The following TGFA variants were observed in gnomAD, a reference collection of about 807,000 sequenced individuals.
The protein encoded by TGFA is protransforming growth factor alpha.
In TGFA, 12 loss-of-function variants were observed where a neutral mutation model predicts 21.7. The ratio of observed to expected loss-of-function variants is 0.55; its 90% CI spans 0.35 to 0.90. TGFA has a LOEUF of 0.90. TGFA is among the 40% of genes least tolerant of loss of function. The probability of loss-of-function intolerance (pLI) is 0.01; values close to 1 mark genes in which losing one functional copy is unlikely to be tolerated. For synonymous variants in TGFA, 79 were observed against 88.1 expected, an observed-to-expected ratio of 0.90 and a Z score of 0.58; for missense variants, 178 against 210.8, an observed-to-expected ratio of 0.84 and a Z score of 0.96.
At chr2:70,460,474 C>T (rs1553491324) in intron 3 of TGFA, among the ~76,000 whole-genome samples, 1 of 152,120 alleles carries the variant, frequency 6.6e-6, no homozygotes, top group African/African-American at 2.4e-5. Flanking sequence ...GAAGAGTCAC[C>T]TCACCTGGCT....
chr2:70,468,232 C>G (rs1043968245), intron 2 of TGFA: 7 of 152,246 alleles, frequency 4.6e-5, no homozygotes, highest in African/African-American at 1.4e-4. Flanking sequence ...CCCTTAATGA[C>G]AGTTACTGTC....
intron 3 of TGFA, 87 bp from the exon 4 acceptor site, chr2:70,456,575 C>G: frequency 1.4e-6 from 2 of 1,465,092 alleles, no homozygotes; most frequent in Non-Finnish European, 1.8e-6. Context: ...TGGAGGGACC[C>G]AGAGCCTGCA....
chr2:70,487,721 A>C (rs782720719), intron 2 of TGFA, among the ~76,000 whole-genome samples: 1 of 152,194 alleles, frequency 6.6e-6, no homozygotes, highest in Non-Finnish European at 1.5e-5. Flanking sequence ...CTGTTTAACC[A>C]ATCTCCTCTT....
chr2:70,467,593 T>G (rs1326713838), intron 2 of TGFA: 1 of 152,216 alleles, frequency 6.6e-6, no homozygotes, highest in African/African-American at 2.4e-5. Flanking sequence ...CACTGCTTCT[T>G]TCAACAGGTC....
chr2:70,537,391 G>C (rs1004100458), intron 1 of TGFA, among the ~76,000 whole-genome samples: 1 of 152,188 alleles, frequency 6.6e-6, no homozygotes, highest in Non-Finnish European at 1.5e-5. Context: ...TAAATCAAAA[G>C]CTAGAAATGA....
intron 2 of TGFA, among the ~76,000 whole-genome samples, chr2:70,472,947 G>C (rs1670801656): frequency 6.6e-6 from 1 of 152,228 alleles, no homozygotes; most frequent in Non-Finnish European, 1.5e-5. Flanking sequence ...TTTGTCTTCA[G>C]ATACTACAAT....
rs60772300 is a variant in TGFA, at chr2:70,546,561, C to T, written c.40+7167G>A. ...CAATCATGACTCACTGCAACCTCGA[C>T]CTCCCAGGCTCCAGTGATCCACCAG... is the stretch of plus-strand genomic sequence containing the variant. On this transcript the variant is annotated intron_variant, in intron 1 of 5. Transcript: ENST00000295400. Among the ~76,000 whole-genome samples, 1,440 of 152,236 alleles carry T rather than the reference C, an allele frequency of 9.5e-3. 21 individuals carry two copies. The highest frequency in any genetic ancestry group is 0.033 in the African/African-American group (1,370 of 41,536).
intron 1 of TGFA, among the ~76,000 whole-genome samples, chr2:70,541,395 T>C (rs1673127572): frequency 6.6e-6 from 1 of 152,202 alleles, no homozygotes; most frequent in African/African-American, 2.4e-5. Flanking sequence ...AAAATGACTA[T>C]ACAAATATCT....
intron 1 of TGFA, among the ~76,000 whole-genome samples, chr2:70,549,575 G>C (rs1553506483): frequency 6.6e-6 from 1 of 152,190 alleles, no homozygotes; most frequent in Non-Finnish European, 1.5e-5. Context: ...CAGAGGTTTT[G>C]AGTGTGACAC....
At chr2:70,493,707 T>C (rs1466089150) in intron 2 of TGFA, among the ~76,000 whole-genome samples, 1 of 152,150 alleles carries the variant, frequency 6.6e-6, no homozygotes, top group Non-Finnish European at 1.5e-5. Flanking sequence ...AACAATGACA[T>C]ACCTAATGAT....
intron 2 of TGFA, among the ~76,000 whole-genome samples, chr2:70,476,453 C>A (rs1287917683): frequency 1.3e-5 from 2 of 152,264 alleles, no homozygotes; most frequent in East Asian, 3.9e-4. Flanking sequence ...CGTTAGAGCC[C>A]AGGGCTACCT....
At chr2:70,500,341 C>T (rs776184238) in intron 2 of TGFA, among the ~76,000 whole-genome samples, 3 of 152,116 alleles carry the variant, frequency 2.0e-5, no homozygotes, top group Admixed American at 6.5e-5. Context: ...AGCCTTTGAA[C>T]ACCAATAAAA....
intron 2 of TGFA, among the ~76,000 whole-genome samples, chr2:70,473,317 ATGGTCTAGAACCCAG>A (rs782138196): frequency 3.9e-5 from 6 of 152,130 alleles, no homozygotes; most frequent in Non-Finnish European, 7.4e-5. Flanking sequence ...AGAGAAGTAA[ATGGTCTAGAACCCAG>A]TGGCTGCCCA....
At chr2:70,544,600 G>A (rs1302843429) in intron 1 of TGFA, among the ~76,000 whole-genome samples, 14 of 152,162 alleles carry the variant, frequency 9.2e-5, no homozygotes. Context: ...TGAATCCCTA[G>A]CATCTAGAAG....
intron 2 of TGFA, among the ~76,000 whole-genome samples, chr2:70,470,763 A>G (rs1358856717): frequency 6.6e-6 from 1 of 152,184 alleles, no homozygotes; most frequent in Non-Finnish European, 1.5e-5. Context: ...CTGGTCCTCC[A>G]TAATTCCACC....
chr2:70,550,432 GAGAT>G (rs1673455068), intron 1 of TGFA, among the ~76,000 whole-genome samples: 1 of 151,508 alleles, frequency 6.6e-6, no homozygotes, highest in Non-Finnish European at 1.5e-5. Context: ...AATACTAAAG[GAGAT>G]ACAAAAAATT....
At chr2:70,512,542 A>G (rs1269394123) in intron 2 of TGFA, among the ~76,000 whole-genome samples, 3 of 152,218 alleles carry the variant, frequency 2.0e-5, no homozygotes, top group Non-Finnish European at 2.9e-5. Flanking sequence ...CACATGTCAC[A>G]ATGAGGGGAA....
intron 1 of TGFA, among the ~76,000 whole-genome samples, chr2:70,517,637 T>C (rs1387349381): frequency 1.3e-5 from 2 of 152,192 alleles, no homozygotes; most frequent in African/African-American, 4.8e-5. Context: ...TTGCCCAAGC[T>C]CCTGCAGCCA....
At chr2:70,540,398 A>G (rs1424492550) in intron 1 of TGFA, among the ~76,000 whole-genome samples, 3 of 152,256 alleles carry the variant, frequency 2.0e-5, no homozygotes, top group African/African-American at 7.2e-5. Context: ...CTAAGAATGT[A>G]TCAAGTGACA....
Sources: allele counts gnomAD v4.1 joint callset (sites outside exome capture counted in the v4.1 genomes callset), GRCh38; gene constraint gnomAD v4.1.1; transcripts MANE v1.5; gene names NCBI Gene and HGNC (gene_info 2026-07-23, HGNC 2026-07-21).